SNIP1: variants seen among roughly 807,000 people sequenced by gnomAD.
SNIP1 encodes Smad nuclear interacting protein 1.
A neutral mutation model predicts 37.4 loss-of-function variants in SNIP1; 23 were observed. That is an observed-to-expected ratio of 0.61 (90% CI 0.44 to 0.87). The LOEUF is 0.87. Among genes scored for constraint, SNIP1 ranks in the 40% least tolerant of loss-of-function variants. The pLI, the probability that SNIP1 is intolerant of heterozygous loss-of-function variation, is 0.00. For missense variants in SNIP1, 459 were observed against 540.4 expected (o/e 0.85, Z 1.49); for synonymous variants, 174 against 200.0 (o/e 0.87, Z 1.10).
At position 37,534,957 on chromosome 1, in the gene SNIP1, T is replaced by C. The variant is rs912227074; in HGVS notation, c.*2791A>G. 3 of 151,652 alleles carry C rather than the reference T, an allele frequency of 2.0e-5. No homozygotes were observed. The East Asian group carries it at 5.8e-4, about 29-fold the overall frequency. The allele number at this position is 151,652 out of a possible 1,614,324, so 9.4% of individuals were successfully genotyped here. On this transcript the variant is annotated 3_prime_UTR_variant, in exon 4 of 4. Transcript: ENST00000296215. Reference sequence around the variant, plus strand: ...GAACTTCTAAACAGAATGAAAGCTCTAGGATTATGTCCACTTTAAGAAGTC... The same window carrying C: ...GAACTTCTAAACAGAATGAAAGCTCCAGGATTATGTCCACTTTAAGAAGTC...
chr1:37,537,831 G>A lies in SNIP1; in HGVS notation c.1108C>T (p.Leu370Phe), dbSNP rs1181969412. The A allele has an allele frequency of 1.3e-5, 21 of 1,614,040 alleles. No homozygotes were observed. Among genetic ancestry groups the A allele is most frequent in the Non-Finnish European group, 1.7e-5 (20 of 1,180,048 alleles). ...FGFSSREYVL[L>F]HESSDTSEID... ...TCAGAAGTGTCCGACGACTCATGGA[G>A]CAAGACGTATTCTCTGCTACTGAAT... is the stretch of plus-strand genomic sequence containing the variant. The change falls in exon 4 of 4, where the codon CTC (leucine) becomes TTC (phenylalanine). Residue 370 changes from leucine (L) to phenylalanine (F), a missense_variant. Physicochemically the swap from Leu to Phe is conservative, Grantham distance 22. Coordinates refer to ENST00000296215, the MANE Select transcript of SNIP1 (RefSeq NM_024700.4).
chr1:37,538,508 CAAAAAAAAA>C (rs35905865), intron 3 of SNIP1, among the ~76,000 whole-genome samples: 1 of 57,956 alleles, frequency 1.7e-5, no homozygotes, highest in African/African-American at 7.6e-5. Context: ...GACTCTGTCT[CAAAAAAAAA>C]AAAAAAAAAA....
In SNIP1 at chr1:37,537,453, C is replaced by G; in HGVS notation, c.*295G>C. 2.9e-6 allele frequency: 1 copy of G among 342,892 alleles called. No homozygotes were observed. The highest frequency in any genetic ancestry group is 5.3e-6 in the Non-Finnish European group (1 of 187,726). 21.2% of individuals were successfully genotyped at this position (342,892 alleles called of 1,614,324 possible). ...TTCCTAGGCAGCAGTTCTGAAAGCA[C>G]CAACTAAAACCACAACACTTCTACT... On this transcript the variant is annotated 3_prime_UTR_variant, in exon 4 of 4. Transcript: ENST00000296215.
chr1:37,549,919 T>C (rs1160803834), intron 2 of SNIP1, among the ~76,000 whole-genome samples: 1 of 152,122 alleles, frequency 6.6e-6, no homozygotes, highest in Admixed American at 6.5e-5. Flanking sequence ...GAACAGAGAT[T>C]CCAGAAATAG....
At chr1:37,542,793 A>C (rs1032692664) in intron 2 of SNIP1, among the ~76,000 whole-genome samples, 15 of 152,076 alleles carry the variant, frequency 9.9e-5, no homozygotes, top group Non-Finnish European at 1.5e-4. Context: ...ATAAATGTCC[A>C]AGGGCCGGGC....
chr1:37,551,905 CT>C (rs1470278980), intron 2 of SNIP1, among the ~76,000 whole-genome samples: 1 of 152,194 alleles, frequency 6.6e-6, no homozygotes, highest in Non-Finnish European at 1.5e-5. Context: ...GAGAAATGAA[CT>C]CTTAACGTTC....
At chr1:37,553,660 GGAAA>G (rs1643328521) in intron 1 of SNIP1, among the ~76,000 whole-genome samples, 2 of 151,990 alleles carry the variant, frequency 1.3e-5, no homozygotes, top group East Asian at 3.9e-4. Context: ...GCAGGTAACC[GGAAA>G]GACAACGCCC....
chr1:37,547,438 GA>G (rs1416283299), intron 2 of SNIP1, among the ~76,000 whole-genome samples: 25 of 152,022 alleles, frequency 1.6e-4, no homozygotes, highest in Non-Finnish European at 3.5e-4. Context: ...CATTTGTTTC[GA>G]AAATGGTGGT....
intron 2 of SNIP1, among the ~76,000 whole-genome samples, chr1:37,543,735 G>T (rs553261560): frequency 6.6e-6 from 1 of 150,654 alleles, no homozygotes; most frequent in Non-Finnish European, 1.5e-5. Flanking sequence ...TCTCCAAAGG[G>T]GGGTAAAAAA....
chr1:37,537,761 A>G lies in SNIP1; in HGVS notation c.1178T>C (p.Val393Ala), dbSNP rs957964912. 6.8e-6 allele frequency: 11 copies of G among 1,613,022 alleles called. No individual in the cohort carries two copies. In the Admixed American group the frequency reaches 1.5e-4, roughly 22 times the overall value. Residue 393 changes from valine to alanine, a missense_variant, in exon 4 of 4, where the codon GTG (valine) becomes GCG (alanine). Coordinates refer to ENST00000296215, the MANE Select transcript of SNIP1 (RefSeq NM_024700.4). ...DDEDEEEEEE[V>A]SDS ...GTTCTTAGTTTGCTAGCTGTCAGAC[A>G]CTTCTTCCTCCTCCTCCTCATCCTC...
intron 3 of SNIP1, 63 bp from the exon 4 acceptor site, chr1:37,538,075 A>G (rs1288201766): frequency 6.6e-7 from 1 of 1,516,434 alleles, no homozygotes; most frequent in Non-Finnish European, 8.8e-7. Context: ...AGCTTCTCTA[A>G]AGCTCTTTGC....
At chr1:37,538,210 T>C (rs1186002847) in intron 3 of SNIP1, among the ~76,000 whole-genome samples, 198 bp from the exon 4 acceptor site, 1 of 151,998 alleles carries the variant, frequency 6.6e-6, no homozygotes, top group Non-Finnish European at 1.5e-5. Context: ...TAAATATACT[T>C]AGAAAAGGTG....
Position 37,535,241 on chromosome 1 carries a change from A to ATATATATAT in SNIP1, c.*2506_*2507insATATATATA, listed in dbSNP as rs1643076458. 3 of 14,702 alleles carry ATATATATAT rather than the reference A, an allele frequency of 2.0e-4. No homozygotes were observed. The highest frequency in any genetic ancestry group is 6.0e-4 in the Admixed American group (1 of 1,662). 0.9% of individuals were successfully genotyped at this position (14,702 alleles called of 1,614,324 possible). A position where few individuals can be genotyped will look rare whatever the true frequency, so the allele number is the denominator to read the frequency against. On this transcript the variant is annotated 3_prime_UTR_variant, in exon 4 of 4. Transcript: ENST00000296215. ...ATAAAAAATAAAAATTATATATATA[A>ATATATATAT]ATTAGCCAGGCTTGGTGACAGGTGC... is the stretch of plus-strand genomic sequence containing the variant.
At chr1:37,553,470 A>C (rs573813944) in intron 1 of SNIP1, among the ~76,000 whole-genome samples, 1 of 152,364 alleles carries the variant, frequency 6.6e-6, no homozygotes, top group South Asian at 2.1e-4. Flanking sequence ...GGTGAAGATC[A>C]TCTAACTGAA....
intron 2 of SNIP1, chr1:37,552,356 T>C (rs1323990603): frequency 1.1e-5 from 4 of 365,120 alleles, no homozygotes; most frequent in Admixed American, 4.2e-5. Flanking sequence ...CTGTTATGAA[T>C]AGATGTTACC....
chr1:37,549,745 A>G (rs1432682281), intron 2 of SNIP1, among the ~76,000 whole-genome samples: 1 of 152,154 alleles, frequency 6.6e-6, no homozygotes, highest in East Asian at 1.9e-4. Flanking sequence ...AGATTGTTCT[A>G]AAACTTACAT....
In SNIP1 at chr1:37,535,495, C is replaced by CAATT. The variant is rs1311062304; in HGVS notation, c.*2249_*2252dup. 6.6e-6 allele frequency: 1 copy of CAATT among 151,952 alleles called. No homozygotes were observed. Among genetic ancestry groups the CAATT allele is most frequent in the Non-Finnish European group, 1.5e-5 (1 of 68,010 alleles). 9.4% of individuals were successfully genotyped at this position (151,952 alleles called of 1,614,324 possible). A position where few individuals can be genotyped will look rare whatever the true frequency, so the allele number is the denominator to read the frequency against. ...TCTACTAAAATAAAAACTGACTAAA[C>CAATT]AATTAGGACTTCTTACTGAAAAATG... On this transcript the variant is annotated 3_prime_UTR_variant, in exon 4 of 4. Transcript: ENST00000296215.
Position 37,537,724 on chromosome 1 carries a change from T to C in SNIP1, c.*24A>G. The C allele has an allele frequency of 6.2e-7, 1 of 1,602,650 alleles. No individual in the cohort carries two copies. The highest frequency in any genetic ancestry group is 8.5e-7 in the Non-Finnish European group (1 of 1,174,134). Reference sequence around the variant, plus strand: ...AGACTTCCAAGAAGGAAACCGTGTATCAATAGTTTGGGTTCTTAGTTTGCT... The same window carrying C: ...AGACTTCCAAGAAGGAAACCGTGTACCAATAGTTTGGGTTCTTAGTTTGCT... On this transcript the variant is annotated 3_prime_UTR_variant, in exon 4 of 4. Transcript: ENST00000296215.
At chr1:37,546,803 C>G (rs1302420935) in intron 2 of SNIP1, among the ~76,000 whole-genome samples, 1 of 152,212 alleles carries the variant, frequency 6.6e-6, no homozygotes, top group Non-Finnish European at 1.5e-5. Flanking sequence ...AATTGCTGGT[C>G]AAGATCACCA....
Sources: gnomAD v4.1 joint callset for allele counts (sites outside exome capture counted in the v4.1 genomes callset) on GRCh38, gnomAD v4.1.1 for gene constraint, MANE v1.5 for transcripts, NCBI Gene and HGNC (gene_info 2026-07-23, HGNC 2026-07-21) for gene names.